ARFGEF1: variants seen among roughly 807,000 people sequenced by gnomAD.
ARFGEF1 encodes ARF guanine nucleotide exchange factor 1.
In ARFGEF1, 42 loss-of-function variants were observed where a neutral mutation model predicts 231.0. The ratio of observed to expected loss-of-function variants is 0.18; its 90% CI spans 0.14 to 0.24. The LOEUF (loss-of-function observed/expected upper bound fraction) is 0.24, where lower values mean the gene tolerates loss of function less well. Ranked by LOEUF, ARFGEF1 falls within the 10% of genes least tolerant of loss-of-function variation. ARFGEF1 has a pLI of 1.00. For missense variants in ARFGEF1, 1,345 were observed against 2,192.0 expected (o/e 0.61, Z 7.72); for synonymous variants, 710 against 732.3 (o/e 0.97, Z 0.49).
chr8:67,236,365 A>AATATAT (rs34297561), intron 22 of ARFGEF1, among the ~76,000 whole-genome samples: 26 of 29,020 alleles, frequency 9.0e-4, no homozygotes, highest in South Asian at 5.2e-3. Context: ...AAAAAAAAAA[A>AATATAT]ATATATATAT....
chr8:67,199,216 C>G, intron 38 of ARFGEF1, 118 bp from the exon 39 acceptor site: 1 of 1,195,696 alleles, frequency 8.4e-7, no homozygotes, highest in Non-Finnish European at 1.2e-6. Context: ...GGGTCCACAG[C>G]AGGCAGTGAC....
At chr8:67,315,092 A>G (rs1807245369) in intron 1 of ARFGEF1, among the ~76,000 whole-genome samples, 2 of 152,214 alleles carry the variant, frequency 1.3e-5, no homozygotes, top group Non-Finnish European at 2.9e-5. Flanking sequence ...ATGGAAAAAG[A>G]TATCAAAAGA....
At chr8:67,194,513 C>A (rs1406983534), downstream of ARFGEF1, among the ~76,000 whole-genome samples, 4 of 151,998 alleles carry the variant, frequency 2.6e-5, no homozygotes, top group Non-Finnish European at 5.9e-5. Flanking sequence ...TTAGACCCAA[C>A]AAACTGAATT....
chr8:67,255,425 A>AT (rs1156327217), intron 17 of ARFGEF1, among the ~76,000 whole-genome samples: 1 of 151,730 alleles, frequency 6.6e-6, no homozygotes, highest in Admixed American at 6.6e-5. Flanking sequence ...TATGCCTAAA[A>AT]TTTTTTTTTA....
intron 1 of ARFGEF1, among the ~76,000 whole-genome samples, chr8:67,303,968 A>G (rs1587269286): frequency 6.6e-6 from 1 of 152,188 alleles, no homozygotes; most frequent in Admixed American, 6.5e-5. Flanking sequence ...AGGTTGAACA[A>G]CTTGTCCAAA....
intron 10 of ARFGEF1, among the ~76,000 whole-genome samples, chr8:67,269,350 CTT>C (rs796473421): frequency 1.4e-4 from 18 of 128,822 alleles, no homozygotes; most frequent in African/African-American, 2.3e-4. Context: ...CCACGTTCAG[CTT>C]TTTTTTTTTT....
At chr8:67,256,883 G>C (rs1009566561) in intron 17 of ARFGEF1, among the ~76,000 whole-genome samples, 3 of 152,056 alleles carry the variant, frequency 2.0e-5, no homozygotes, top group South Asian at 2.1e-4. Context: ...TGTTTAACTA[G>C]AGTACTTCTC....
At chr8:67,299,926 G>A (rs966000935) in intron 3 of ARFGEF1, among the ~76,000 whole-genome samples, 6 of 151,860 alleles carry the variant, frequency 4.0e-5, no homozygotes, top group Middle Eastern at 3.4e-3. Context: ...CCAAGCCTGC[G>A]CCACTGCACT....
Position 67,232,844 on chromosome 8 carries a change from G to T in ARFGEF1, c.3380+11C>A, listed in dbSNP as rs1839599317. ...TAATCATCTGAAAAGGGAATAAAAT[G>T]AATACCTTACCTATCTACAGCAACA... On this transcript the variant is annotated intron_variant, in intron 23 of 38. Coordinates refer to ENST00000262215, the MANE Select transcript of ARFGEF1 (RefSeq NM_006421.5). The T allele has an allele frequency of 6.4e-7, 1 of 1,574,542 alleles. No homozygotes were observed. The highest frequency in any genetic ancestry group is 8.7e-7 in the Non-Finnish European group (1 of 1,153,196).
chr8:67,311,676 G>A (rs558031132), intron 1 of ARFGEF1, among the ~76,000 whole-genome samples: 9 of 152,160 alleles, frequency 5.9e-5, no homozygotes, highest in African/African-American at 1.9e-4. Flanking sequence ...GCCTCTGCCC[G>A]GCCGCCCCTA....
chr8:67,327,431 C>A (rs1234758775), intron 1 of ARFGEF1, among the ~76,000 whole-genome samples: 5 of 151,588 alleles, frequency 3.3e-5, no homozygotes. Context: ...TATCATCCTG[C>A]CTCAGCCACC....
At chr8:67,193,488 C>G (rs1017040124), downstream of ARFGEF1, 11 of 1,613,200 alleles carry the variant, frequency 6.8e-6, no homozygotes, top group Non-Finnish European at 9.3e-6. Flanking sequence ...TAATGTAGCA[C>G]CAGATGGTCT....
chr8:67,195,458 T>C (rs1174062944), downstream of ARFGEF1: 1 of 1,614,156 alleles, frequency 6.2e-7, no homozygotes, highest in African/African-American at 1.3e-5. Context: ...CTGTAGCAAC[T>C]GAGCCCTGGC....
intron 36 of ARFGEF1, among the ~76,000 whole-genome samples, chr8:67,202,569 A>T (rs1563833154): frequency 6.6e-6 from 1 of 152,132 alleles, no homozygotes; most frequent in Non-Finnish European, 1.5e-5. Context: ...CTATTTTTTA[A>T]ATTAAAAAAT....
At chr8:67,234,423 A>G (rs1055871816) in intron 22 of ARFGEF1, among the ~76,000 whole-genome samples, 1 of 152,182 alleles carries the variant, frequency 6.6e-6, no homozygotes, top group Non-Finnish European at 1.5e-5. Context: ...ATATGATGAA[A>G]TATTAATTCA....
chr8:67,313,247 T>G (rs894337250), intron 1 of ARFGEF1, among the ~76,000 whole-genome samples: 3 of 152,204 alleles, frequency 2.0e-5, no homozygotes, highest in African/African-American at 7.2e-5. Flanking sequence ...CTTCCCTGAT[T>G]AGCTTAAGAA....
intron 19 of ARFGEF1, among the ~76,000 whole-genome samples, chr8:67,250,879 C>T (rs1057188353): frequency 2.6e-5 from 4 of 152,128 alleles, no homozygotes; most frequent in Non-Finnish European, 5.9e-5. Flanking sequence ...TGTTCCTTAC[C>T]CTACTTTCTG....
intron 1 of ARFGEF1, among the ~76,000 whole-genome samples, chr8:67,329,528 CAAAA>C (rs1808000789): frequency 8.0e-6 from 1 of 124,876 alleles, no homozygotes; most frequent in Non-Finnish European, 1.7e-5. Flanking sequence ...GACTCCATCT[CAAAA>C]TAAATAAATA....
At chr8:67,205,987 G>A (rs1402846082) in intron 34 of ARFGEF1, among the ~76,000 whole-genome samples, 1 of 152,184 alleles carries the variant, frequency 6.6e-6, no homozygotes, top group Admixed American at 6.5e-5. Context: ...GGGCAGCCAA[G>A]ACTCCGGATT....
Sources: allele counts gnomAD v4.1 joint callset (sites outside exome capture counted in the v4.1 genomes callset), GRCh38; gene constraint gnomAD v4.1.1; transcripts MANE v1.5; gene names NCBI Gene and HGNC (gene_info 2026-07-23, HGNC 2026-07-21).